The following NLRP14 variants were observed in gnomAD, a reference collection of about 807,000 sequenced individuals.
NLRP14 encodes the protein NLR family pyrin domain containing 14.
Under a neutral mutation model 94.7 loss-of-function variants are expected in NLRP14, and 105 were observed. That is an observed-to-expected ratio of 1.11 (90% CI 0.95 to 1.30). The LOEUF is 1.30. Ranked by LOEUF, NLRP14 falls within the 50% of genes most tolerant of loss-of-function variation. NLRP14 has a pLI of 0.00. For synonymous variants in NLRP14, 508 were observed against 459.9 expected (o/e 1.10, Z -1.34); for missense variants, 1,362 against 1,254.1 (o/e 1.09, Z -1.30).
chr11:7,058,218 A>G lies in NLRP14; in HGVS notation c.2463-62A>G, dbSNP rs1448970363. ...ATAAGTGCCACTGATTTCCCTGTGA[A>G]GGAGAAGAGAAGCATGGGCTTTGGG... On this transcript the variant is annotated intron_variant, in intron 7 of 11. Coordinates refer to ENST00000299481, the MANE Select transcript of NLRP14 (RefSeq NM_176822.4). The G allele has an allele frequency of 1.4e-5, 20 of 1,403,458 alleles. No homozygotes were observed. In the Admixed American group the frequency reaches 3.2e-4, roughly 22 times the overall value. The allele number at this position is 1,403,458 out of a possible 1,614,324, so 86.9% of individuals were successfully genotyped here. A position where few individuals can be genotyped will look rare whatever the true frequency, so the allele number is the denominator to read the frequency against.
At chr11:7,048,808 G>A (rs1852397729) in intron 5 of NLRP14, among the ~76,000 whole-genome samples, 1 of 152,174 alleles carries the variant, frequency 6.6e-6, no homozygotes, top group Admixed American at 6.5e-5. Context: ...GGTTGCATCA[G>A]TGGGATGACA....
chr11:7,038,695 A>G lies in NLRP14; in HGVS notation c.109A>G (p.Thr37Ala). 1 of 1,613,994 alleles carries G rather than the reference A, an allele frequency of 6.2e-7. No individual in the cohort carries two copies. The highest frequency in any genetic ancestry group is 8.5e-7 in the Non-Finnish European group (1 of 1,179,876). The change falls in exon 2 of 12, where the codon ACC (threonine) becomes GCC (alanine). Residue 37 changes from threonine (T) to alanine (A), a missense_variant. By Grantham distance (58) the Thr-to-Ala change is moderately conservative. Transcript: ENST00000299481. ...LNTFKLFLKETMEPEHGLTPW... is the reference protein window; with the variant it reads ...LNTFKLFLKEAMEPEHGLTPW... ...TACATTCAAGTTATTCCTAAAGGAG[A>G]CCATGGAACCTGAGCATGGCCTGAC...
intron 1 of NLRP14, among the ~76,000 whole-genome samples, chr11:7,037,035 A>G (rs1468225258): frequency 1.3e-5 from 2 of 152,186 alleles, no homozygotes; most frequent in Admixed American, 1.3e-4. Flanking sequence ...CAGGAAAGAC[A>G]AAGATAAAGA....
chr11:7,087,499 T>C, the NLRP14 span, among the ~76,000 whole-genome samples: 1 of 152,204 alleles, frequency 6.6e-6, no homozygotes, highest in Admixed American at 6.5e-5. Flanking sequence ...TAGGTTTGAT[T>C]AGTAAGTGGC....
chr11:7,079,520 A>G, the NLRP14 span, among the ~76,000 whole-genome samples: 1 of 152,278 alleles, frequency 6.6e-6, no homozygotes, highest in Admixed American at 6.5e-5. Context: ...TATTATAAGT[A>G]TACATTAAAA....
chr11:7,046,798 C>G lies in NLRP14; in HGVS notation c.2089C>G (p.Leu697Val). 1 of 1,613,692 alleles carries G rather than the reference C, an allele frequency of 6.2e-7. No individual in the cohort carries two copies. Among genetic ancestry groups the G allele is most frequent in the Non-Finnish European group, 8.5e-7 (1 of 1,179,630 alleles). The change falls in exon 5 of 12, where the codon CTA becomes GTA. Residue 697 changes from leucine (L) to valine (V), a missense_variant. Leu to Val is a conservative substitution (Grantham distance 32, BLOSUM62 1). Coordinates refer to ENST00000299481, the MANE Select transcript of NLRP14 (RefSeq NM_176822.4). The stretch of plus-strand genomic sequence containing the variant: ...AGCAATGAATATCCTGCATCATGAA[C>G]TAAGGCACCCAAACTGTAAACTACA... ...KSAMNILHHE[L>V]RHPNCKLQKL...
In NLRP14 at chr11:7,040,484, G is replaced by A. The variant is rs145845048; in HGVS notation, c.361+699G>A. Among the ~76,000 whole-genome samples, 4 of 152,224 alleles carry A rather than the reference G, an allele frequency of 2.6e-5. No individual in the cohort carries two copies. The South Asian group carries it at 6.2e-4, about 24-fold the overall frequency. On this transcript the variant is annotated intron_variant, in intron 3 of 11. Coordinates refer to ENST00000299481, the MANE Select transcript of NLRP14 (RefSeq NM_176822.4). ...TGAAATCATCTCCCCTCCCTGCCCT[G>A]CCACCCCTGCCTCCTACATCCATGG... is the stretch of plus-strand genomic sequence containing the variant.
At chr11:7,041,982 C>T (rs1412322579) in intron 3 of NLRP14, among the ~76,000 whole-genome samples, 1 of 149,396 alleles carries the variant, frequency 6.7e-6, no homozygotes, top group Non-Finnish European at 1.5e-5. Context: ...TCAGGTCTGT[C>T]TTGGGGGTCT....
chr11:7,073,510 G>A (rs1292548475), downstream of NLRP14, among the ~76,000 whole-genome samples: 1 of 152,016 alleles, frequency 6.6e-6, no homozygotes, highest in Non-Finnish European at 1.5e-5. Context: ...AGGTAGCATT[G>A]TATCCCACAG....
intron 1 of NLRP14, among the ~76,000 whole-genome samples, chr11:7,032,651 T>G (rs1852114268): frequency 6.6e-6 from 1 of 152,238 alleles, no homozygotes; most frequent in Admixed American, 6.5e-5. Flanking sequence ...TTTGCATTAG[T>G]TGTGCTATCT....
chr11:7,062,579 G>A (rs1852641783), intron 10 of NLRP14, 76 bp downstream of exon 10: 1 of 1,336,268 alleles, frequency 7.5e-7, no homozygotes. Flanking sequence ...TTAGTGTATG[G>A]AGAGAGGATA....
At chr11:7,089,025 C>T in the NLRP14 span, 7 of 1,426,136 alleles carry the variant, frequency 4.9e-6, no homozygotes, top group Non-Finnish European at 6.8e-6. Context: ...GCCGCCTGAC[C>T]AGTAGGAGCC....
intron 6 of NLRP14, among the ~76,000 whole-genome samples, 179 bp from the exon 7 acceptor site, chr11:7,057,498 C>T (rs1483034823): frequency 6.6e-6 from 1 of 152,036 alleles, no homozygotes; most frequent in African/African-American, 2.4e-5. Context: ...TCCCTTCCCT[C>T]CTTAACTCTG....
At chr11:7,044,741 A>G (rs926353258) in intron 4 of NLRP14, among the ~76,000 whole-genome samples, 3 of 152,162 alleles carry the variant, frequency 2.0e-5, no homozygotes, top group Admixed American at 6.5e-5. Flanking sequence ...AGGACTTCCT[A>G]TGTGCTATAT....
chr11:7,049,887 T>C (rs767121795), intron 6 of NLRP14, 49 bp downstream of exon 6: 19 of 1,507,336 alleles, frequency 1.3e-5, no homozygotes, highest in Admixed American at 1.7e-5. Context: ...ATTGAGGCTT[T>C]TGTCTATCCA....
intron 6 of NLRP14, among the ~76,000 whole-genome samples, chr11:7,050,365 C>T (rs925016988): frequency 6.6e-6 from 1 of 152,200 alleles, no homozygotes; most frequent in Admixed American, 6.5e-5. Context: ...GGCTACCACA[C>T]ACTATTGATC....
At chr11:7,090,115 G>C in the NLRP14 span, 1 of 1,612,180 alleles carries the variant, frequency 6.2e-7, no homozygotes, top group African/African-American at 1.3e-5. Context: ...AGTTATGGCC[G>C]GAGCGACCGC....
intron 1 of NLRP14, among the ~76,000 whole-genome samples, chr11:7,023,365 AAT>A (rs914120598): frequency 8.9e-5 from 13 of 146,562 alleles, no homozygotes; most frequent in African/African-American, 2.7e-4. Context: ...TACATATATA[AAT>A]ATATATATCA....
chr11:7,037,609 C>T (rs144150948), intron 1 of NLRP14, among the ~76,000 whole-genome samples: 42 of 152,174 alleles, frequency 2.8e-4, no homozygotes, highest in Non-Finnish European at 5.9e-5. Context: ...AATTGGAGCA[C>T]CCATGCTGAA....
Sources: gnomAD v4.1 joint callset for allele counts (sites outside exome capture counted in the v4.1 genomes callset) on GRCh38, gnomAD v4.1.1 for gene constraint, MANE v1.5 for transcripts, NCBI Gene and HGNC (gene_info 2026-07-23, HGNC 2026-07-21) for gene names.